The following NOMO1 variants were observed in gnomAD, a reference collection of about 807,000 sequenced individuals.
The protein encoded by NOMO1 is nodal modulator 3.
NOMO1 carries 40 observed loss-of-function variants against 133.8 expected under a neutral mutation model. The observed-to-expected ratio is 0.30, with a 90% confidence interval of 0.23 to 0.39. The LOEUF (loss-of-function observed/expected upper bound fraction) is 0.39. Among genes scored for constraint, NOMO1 ranks in the 10% least tolerant of loss-of-function variants. NOMO1 has a pLI of 1.00. For synonymous variants in NOMO1, 236 were observed against 570.5 expected (o/e 0.41, Z 8.36); for missense variants, 462 against 1,419.9 (o/e 0.33, Z 10.84).
intron 5 of NOMO1, among the ~76,000 whole-genome samples, chr16:14,847,876 A>T (rs564371468): frequency 6.6e-6 from 1 of 152,030 alleles, no homozygotes; most frequent in African/African-American, 2.4e-5. Flanking sequence ...GTGCCTCTCC[A>T]GGCCTGGTGT....
chr16:14,834,676 T>C (rs1319637105), intron 1 of NOMO1, among the ~76,000 whole-genome samples: 2 of 132,398 alleles, frequency 1.5e-5, no homozygotes, highest in Non-Finnish European at 3.2e-5. Flanking sequence ...CCCTAGAGAT[T>C]TGTGCTGAAG....
At chr16:14,882,853 T>C (rs183080601) in intron 26 of NOMO1, among the ~76,000 whole-genome samples, 176 bp downstream of exon 26, 3 of 152,154 alleles carry the variant, frequency 2.0e-5, no homozygotes, top group Admixed American at 1.3e-4. Flanking sequence ...GGGTTTTTAA[T>C]GAACAGCGTT....
At chr16:14,874,586 G>A (rs1356392034) in intron 18 of NOMO1, among the ~76,000 whole-genome samples, 2 of 151,914 alleles carry the variant, frequency 1.3e-5, no homozygotes, top group African/African-American at 4.8e-5. Flanking sequence ...TTTTCCTCTG[G>A]TATTATTTTT....
chr16:14,868,965 G>T (rs1050863696), intron 16 of NOMO1, among the ~76,000 whole-genome samples: 9 of 149,012 alleles, frequency 6.0e-5, no homozygotes, highest in Admixed American at 6.0e-4. Flanking sequence ...TTGAGATGGA[G>T]TCTTGCTCTG....
intron 29 of NOMO1, among the ~76,000 whole-genome samples, chr16:14,889,649 C>T (rs977684990): frequency 6.6e-6 from 1 of 151,766 alleles, no homozygotes; most frequent in African/African-American, 2.4e-5. Flanking sequence ...TTAAAGGGCT[C>T]CTGGCATTGG....
intron 11 of NOMO1, among the ~76,000 whole-genome samples, chr16:14,859,141 A>AG (rs71223146): frequency 6.6e-6 from 1 of 151,934 alleles, no homozygotes; most frequent in South Asian, 2.1e-4. Flanking sequence ...CAGGTGGCCC[A>AG]GGGGGGACCT....
chr16:14,844,722 C>T lies in NOMO1; in HGVS notation c.350C>T (p.Thr117Ile). ...LHVDGVSDIC[T>I]KGGDINFVFT... Reference sequence around the variant, plus strand: ...GTGGATGGAGTCAGTGACATCTGCACAAAGGGTGGGGACATCAACTTTGTC... The same window carrying T: ...GTGGATGGAGTCAGTGACATCTGCATAAAGGGTGGGGACATCAACTTTGTC... Residue 117 changes from threonine (T) to isoleucine (I), a missense_variant, in exon 4 of 31, where the codon ACA becomes ATA. Physicochemically the swap from Thr to Ile is moderately conservative, Grantham distance 89. Coordinates refer to ENST00000287667, the MANE Select transcript of NOMO1 (RefSeq NM_014287.4). The T allele has an allele frequency of 1.5e-6, 1 of 671,022 alleles. No individual in the cohort carries two copies. Among genetic ancestry groups the T allele is most frequent in the South Asian group, 2.0e-5 (1 of 49,120 alleles). 41.6% of individuals were successfully genotyped at this position (671,022 alleles called of 1,614,324 possible).
chr16:14,888,491 A>G (rs1964359464), intron 28 of NOMO1: 1 of 156,488 alleles, frequency 6.4e-6, no homozygotes, highest in East Asian at 2.0e-4. Flanking sequence ...TGCCAGTGGT[A>G]GAAAGCAAAG....
chr16:14,836,176 C>G lies in NOMO1; in HGVS notation c.165+2160C>G, dbSNP rs375129998. Among the ~76,000 whole-genome samples the G allele has an allele frequency of 1.7e-3, 255 of 152,150 alleles. 9 individuals are homozygous for G. In the East Asian group the frequency reaches 0.043, roughly 26 times the overall value. On this transcript the variant is annotated intron_variant, in intron 1 of 30. Transcript: ENST00000287667. ...ATGAATGTCCCTTGATGTTGCCTCC[C>G]TAACCGGTCTAGGCTGGTGAATTTC...
intron 18 of NOMO1, among the ~76,000 whole-genome samples, chr16:14,874,445 C>T (rs539159787): frequency 3.3e-4 from 50 of 152,154 alleles, no homozygotes; most frequent in Admixed American, 1.3e-3. Flanking sequence ...AGCTGCGTGG[C>T]GCATTCTCTC....
chr16:14,846,066 G>A (rs911294291), intron 4 of NOMO1, among the ~76,000 whole-genome samples: 4 of 129,832 alleles, frequency 3.1e-5, no homozygotes, highest in Admixed American at 1.6e-4. Flanking sequence ...TCCCTCTGTC[G>A]CCCAGGCTGG....
chr16:14,874,999 A>G (rs1224970045), intron 18 of NOMO1, 37 bp from the exon 19 acceptor site: 21 of 1,613,560 alleles, frequency 1.3e-5, no homozygotes, highest in Non-Finnish European at 1.8e-5. Flanking sequence ...GACCACAAGG[A>G]TACGCAACTA....
At chr16:14,875,007 C>G (rs1964133180) in intron 18 of NOMO1, 29 bp from the exon 19 acceptor site, 1 of 1,613,668 alleles carries the variant, frequency 6.2e-7, no homozygotes, top group African/African-American at 1.3e-5. Flanking sequence ...GGATACGCAA[C>G]TATGTCCTAG....
At chr16:14,839,805 G>A (rs1230455890) in intron 2 of NOMO1, among the ~76,000 whole-genome samples, 2 of 150,982 alleles carry the variant, frequency 1.3e-5, no homozygotes, top group African/African-American at 4.9e-5. Flanking sequence ...GCAGTGGCGC[G>A]ATCTCGGCTC....
intron 3 of NOMO1, among the ~76,000 whole-genome samples, chr16:14,842,592 A>C (rs1963622457): frequency 1.3e-5 from 2 of 151,866 alleles, no homozygotes; most frequent in Admixed American, 6.6e-5. Flanking sequence ...ATGAATTTTC[A>C]CTAAGTGAAC....
rs1312310590 is a variant in NOMO1 at position 14,889,195 on chromosome 16, A to G, written c.3424A>G (p.Thr1142Ala). The G allele has an allele frequency of 1.2e-6, 2 of 1,611,252 alleles. No homozygotes were observed. The highest frequency in any genetic ancestry group is 1.1e-5 in the South Asian group (1 of 90,930). Reference protein sequence around the residue: ...FTAVGYHKHITLIFNPTRKLP... With the variant: ...FTAVGYHKHIALIFNPTRKLP... ...CGCAGTGGGCTACCATAAACACATC[A>G]CCTTGATTTTTAATCCCACGGTAAG... Residue 1142 changes from threonine (T) to alanine (A), a missense_variant, in exon 29 of 31, where the codon ACC (threonine) becomes GCC (alanine). Physicochemically the swap from Thr to Ala is moderately conservative, Grantham distance 58 (BLOSUM62 0). Coordinates refer to ENST00000287667, the MANE Select transcript of NOMO1 (RefSeq NM_014287.4).
At chr16:14,839,645 CA>C (rs1403188636) in intron 2 of NOMO1, among the ~76,000 whole-genome samples, 1 of 150,560 alleles carries the variant, frequency 6.6e-6, no homozygotes, top group Non-Finnish European at 1.5e-5. Context: ...TCTGCAGTTT[CA>C]TTTTTTCCCC....
At chr16:14,842,480 G>A (rs1342437387) in intron 3 of NOMO1, among the ~76,000 whole-genome samples, 2 of 150,558 alleles carry the variant, frequency 1.3e-5, no homozygotes, top group African/African-American at 4.9e-5. Context: ...GTCCAGATTG[G>A]TGGCCTGGAG....
At chr16:14,889,255 G>C (rs1012600141) in intron 29 of NOMO1, 40 bp downstream of exon 29, 29 of 1,611,558 alleles carry the variant, frequency 1.8e-5, no homozygotes, top group Non-Finnish European at 2.2e-5. Context: ...CCATGGGCTG[G>C]GTTTGGTGGC....
Sources: allele counts gnomAD v4.1 joint callset (sites outside exome capture counted in the v4.1 genomes callset), GRCh38; gene constraint gnomAD v4.1.1; transcripts MANE v1.5; gene names NCBI Gene and HGNC (gene_info 2026-07-23, HGNC 2026-07-21).